The following HEG1 variants were observed in gnomAD, a reference collection of about 807,000 sequenced individuals.
HEG1 encodes heart development protein with EGF like domains 1, also known as protein HEG homolog 1.
Under a neutral mutation model 125.6 loss-of-function variants are expected in HEG1, and 56 were observed. That is an observed-to-expected ratio of 0.45 (90% confidence interval 0.36 to 0.56). HEG1 has a LOEUF of 0.56. Ranked by LOEUF, HEG1 falls within the 20% of genes least tolerant of loss-of-function variation. HEG1 has a pLI of 0.00. For synonymous variants in HEG1, 644 were observed against 668.5 expected, an observed-to-expected ratio of 0.96 and a Z score of 0.57; for missense variants, 1,523 against 1,670.0, an observed-to-expected ratio of 0.91 and a Z score of 1.53.
intron 5 of HEG1, among the ~76,000 whole-genome samples, chr3:125,018,845 G>A (rs1042110243): frequency 6.9e-6 from 1 of 145,276 alleles, no homozygotes; most frequent in African/African-American, 2.5e-5. Flanking sequence ...GGCCTGAGGA[G>A]TTATTTCATT....
chr3:125,025,764 C>T (rs75824484), intron 3 of HEG1, among the ~76,000 whole-genome samples: 2,742 of 152,276 alleles, frequency 0.018, 80 homozygotes, highest in African/African-American at 0.063. Flanking sequence ...CACTGAACCA[C>T]AGAACTTTGA....
At chr3:125,025,576 T>G (rs1461068027) in intron 3 of HEG1, among the ~76,000 whole-genome samples, 2 of 152,156 alleles carry the variant, frequency 1.3e-5, no homozygotes, top group African/African-American at 4.8e-5. Flanking sequence ...AAAAAATATA[T>G]AGGTGAATAT....
In HEG1 at chr3:125,014,669, G is replaced by A. The variant is rs551059740; in HGVS notation, c.1589-679C>T. ...CAGGACGGTGAGTAAATTAATAGAT[G>A]AGCTGAAGGGATGTGTTAAAAGAGA... is the stretch of plus-strand genomic sequence containing the variant. On this transcript the variant is annotated intron_variant, in intron 5 of 16. Coordinates refer to ENST00000311127, the MANE Select transcript of HEG1 (RefSeq NM_020733.2). The A allele has an allele frequency of 1.1e-3, 1,292 of 1,200,816 alleles. 1 individual carries two copies. Among genetic ancestry groups the A allele is most frequent in the Non-Finnish European group, 1.3e-3 (1,232 of 942,174 alleles). The allele number at this position is 1,200,816 out of a possible 1,614,324, so 74.4% of individuals were successfully genotyped here.
intron 2 of HEG1, among the ~76,000 whole-genome samples, chr3:125,028,885 C>A (rs1157086634): frequency 1.3e-5 from 2 of 152,194 alleles, no homozygotes; most frequent in Non-Finnish European, 2.9e-5. Flanking sequence ...CCTGTCGCAG[C>A]TATGCATCCC....
chr3:125,003,654 T>C (rs1399129012), intron 9 of HEG1, among the ~76,000 whole-genome samples: 1 of 152,166 alleles, frequency 6.6e-6, no homozygotes, highest in Non-Finnish European at 1.5e-5. Flanking sequence ...GCTCAACCTC[T>C]AGAGGGGCTG....
In HEG1 at chr3:125,055,638, G is replaced by T; in HGVS notation, c.253C>A (p.Pro85Thr). The T allele has an allele frequency of 1.7e-6, 2 of 1,196,814 alleles. No homozygotes were observed. The highest frequency in any genetic ancestry group is 2.1e-6 in the Non-Finnish European group (2 of 965,258). The allele number at this position is 1,196,814 out of a possible 1,614,324, so 74.1% of individuals were successfully genotyped here. The change falls in exon 1 of 17, where the codon CCT becomes ACT. Residue 85 changes from proline to threonine, a missense_variant. Pro to Thr is a conservative substitution (Grantham distance 38, BLOSUM62 -1). Coordinates refer to ENST00000311127, the MANE Select transcript of HEG1 (RefSeq NM_020733.2). ...CGCTGTGTCGCGGCGCCTGGCTCAG[G>T]GGCCCTGTAGCTGGGGCCGGGGGTC... ...PATPGPSYRAPEPGAATQRGP... is the reference protein window; with the variant it reads ...PATPGPSYRATEPGAATQRGP...
At chr3:125,004,135 G>A (rs143315072) in intron 9 of HEG1, among the ~76,000 whole-genome samples, 7 of 152,244 alleles carry the variant, frequency 4.6e-5, no homozygotes, top group Admixed American at 1.3e-4. Context: ...ACAGGAGTGC[G>A]CCATCTGACA....
intron 1 of HEG1, among the ~76,000 whole-genome samples, chr3:125,054,778 A>T (rs918230260): frequency 3.3e-5 from 5 of 152,230 alleles, no homozygotes; most frequent in African/African-American, 9.6e-5. Flanking sequence ...CATTTCACAG[A>T]TGGAGAAAGT....
chr3:125,044,941 G>T (rs1030837292), intron 1 of HEG1, among the ~76,000 whole-genome samples: 1 of 152,156 alleles, frequency 6.6e-6, no homozygotes. Flanking sequence ...GCTCTGATAC[G>T]ATTTAGAAGA....
intron 14 of HEG1, among the ~76,000 whole-genome samples, chr3:124,988,592 C>T (rs1936781514): frequency 6.6e-6 from 1 of 152,076 alleles, no homozygotes; most frequent in Non-Finnish European, 1.5e-5. Context: ...GGGTTGTTTA[C>T]TACACCACTC....
At chr3:125,049,589 C>T (rs1937757967) in intron 1 of HEG1, among the ~76,000 whole-genome samples, 1 of 152,190 alleles carries the variant, frequency 6.6e-6, no homozygotes, top group Admixed American at 6.5e-5. Context: ...TGAAGGAGCC[C>T]CTTTAAAAGC....
intron 15 of HEG1, among the ~76,000 whole-genome samples, chr3:124,974,936 T>C (rs1408146451): frequency 6.6e-6 from 1 of 152,152 alleles, no homozygotes; most frequent in Non-Finnish European, 1.5e-5. Context: ...CTACCTTCTC[T>C]TCTCAGGAGC....
In HEG1 at chr3:124,971,134, T is replaced by G. The variant is rs544932160; in HGVS notation, c.3997-333A>C. ...CAATCCTCAAGTGACCAGTTGGATC[T>G]CAAAAAAAGGCTCCCTGGGAATAAG... On this transcript the variant is annotated intron_variant, in intron 16 of 16. Transcript: ENST00000311127. 4.0e-4 allele frequency: 196 copies of G among 488,350 alleles called. 1 individual carries two copies. The highest frequency in any genetic ancestry group is 2.8e-3 in the African/African-American group (145 of 51,586). 30.3% of individuals were successfully genotyped at this position (488,350 alleles called of 1,614,324 possible).
At position 124,973,884 on chromosome 3, in the gene HEG1, G is replaced by C; in HGVS notation, c.3843C>G (p.Ser1281Arg). ...TCCRKNKNDI[S>R]KLIFKSGDFQ... is the part of the protein sequence containing the mutation. ...AATCTCCACTTTTGAAGATGAGTTT[G>C]CTTATGTCATTTTTATTCTTTCTGT... Residue 1281 changes from serine (S) to arginine (R), a missense_variant, in exon 16 of 17, where the codon AGC becomes AGG. Ser to Arg is a moderately radical substitution (Grantham distance 110). Coordinates refer to ENST00000311127, the MANE Select transcript of HEG1 (RefSeq NM_020733.2). The C allele has an allele frequency of 6.2e-7, 1 of 1,611,476 alleles. No homozygotes were observed. Among genetic ancestry groups the C allele is most frequent in the Non-Finnish European group, 8.5e-7 (1 of 1,178,450 alleles).
intron 14 of HEG1, among the ~76,000 whole-genome samples, chr3:124,987,548 A>T (rs1416910673): frequency 1.5e-5 from 2 of 130,990 alleles, no homozygotes; most frequent in Non-Finnish European, 3.1e-5. Context: ...TTTGAGACGG[A>T]GTCTCGCTGT....
chr3:125,029,224 G>A lies in HEG1; in HGVS notation c.581C>T (p.Thr194Ile), dbSNP rs759627463. Residue 194 changes from threonine (T) to isoleucine (I), a missense_variant, in exon 2 of 17, where the codon ACA becomes ATA. Coordinates refer to ENST00000311127, the MANE Select transcript of HEG1 (RefSeq NM_020733.2). ...GTTGCCACTCTGGGAAGTCAGAGCT[G>A]TTGCTATCTCCAGTGAGTACCCAAC... ...LPVGYSLEIATALTSQSGNLA... is the reference protein window; with the variant it reads ...LPVGYSLEIAIALTSQSGNLA... The A allele has an allele frequency of 6.2e-7, 1 of 1,613,088 alleles. No individual in the cohort carries two copies. The highest frequency in any genetic ancestry group is 1.1e-5 in the South Asian group (1 of 90,870).
At position 125,009,802 on chromosome 3, in the gene HEG1, G is replaced by T. The variant is rs750003070; in HGVS notation, c.3096C>A (p.Asn1032Lys). Reference sequence around the variant, plus strand: ...TGCACATGGCTGTGGATGGGCAGGGGTTCGACAGGCACTCATTCACATCTG... The same window carrying T: ...TGCACATGGCTGTGGATGGGCAGGGTTTCGACAGGCACTCATTCACATCTG... ...CSVDVNECLS[N>K]PCPSTAMCNN... is the part of the protein sequence containing the mutation. Residue 1032 changes from asparagine to lysine, a missense_variant, in exon 8 of 17, where the codon AAC becomes AAA. Transcript: ENST00000311127. 13 of 1,613,488 alleles carry T rather than the reference G, an allele frequency of 8.1e-6. No individual in the cohort carries two copies. Among genetic ancestry groups the T allele is most frequent in the Non-Finnish European group, 1.1e-5 (13 of 1,179,590 alleles).
chr3:125,026,266 C>T (rs1173496193), intron 3 of HEG1, among the ~76,000 whole-genome samples: 1 of 152,136 alleles, frequency 6.6e-6, no homozygotes, highest in Non-Finnish European at 1.5e-5. Context: ...TATGTCTTAT[C>T]GGCTGCACCT....
intron 11 of HEG1, among the ~76,000 whole-genome samples, chr3:125,000,180 G>A (rs1936981315): frequency 6.6e-6 from 1 of 152,168 alleles, no homozygotes; most frequent in Admixed American, 6.5e-5. Context: ...TCTGAAAGGA[G>A]AAGTAAATAG....
Sources: gnomAD v4.1 joint callset for allele counts (sites outside exome capture counted in the v4.1 genomes callset) on GRCh38, gnomAD v4.1.1 for gene constraint, MANE v1.5 for transcripts, NCBI Gene and HGNC (gene_info 2026-07-23, HGNC 2026-07-21) for gene names.